MACROH2A1: variants seen among roughly 807,000 people sequenced by gnomAD.
MACROH2A1 encodes core histone macro-H2A.1.
MACROH2A1 carries 2 observed loss-of-function variants against 31.6 expected under a neutral mutation model. The observed-to-expected ratio is 0.06, with a 90% CI of 0.03 to 0.20. The LOEUF is 0.20. MACROH2A1 is among the 10% of genes least tolerant of loss of function. MACROH2A1 has a pLI of 1.00. For missense variants in MACROH2A1, 230 were observed against 474.0 expected (o/e 0.49, Z 4.78); for synonymous variants, 169 against 189.6 (o/e 0.89, Z 0.89).
At chr5:135,385,846 T>C (rs183535444) in intron 2 of MACROH2A1, among the ~76,000 whole-genome samples, 2 of 152,254 alleles carry the variant, frequency 1.3e-5, no homozygotes, top group East Asian at 1.9e-4. Context: ...ACTATCTAGG[T>C]TGGCTGGCTG....
At chr5:135,349,116 A>G (rs1761207518) in intron 6 of MACROH2A1, among the ~76,000 whole-genome samples, 1 of 152,154 alleles carries the variant, frequency 6.6e-6, no homozygotes, top group Non-Finnish European at 1.5e-5. Context: ...GGCCTTCCTC[A>G]GGCTGCAGCA....
rs184081539 is a variant in MACROH2A1 at position 135,365,170 on chromosome 5, T to C, written c.477+4236A>G. Among the ~76,000 whole-genome samples, 20 of 152,358 alleles carry C rather than the reference T, an allele frequency of 1.3e-4. 2 individuals are homozygous for C. The highest frequency in any genetic ancestry group is 4.8e-4 in the African/African-American group (20 of 41,584). ...AGTTTCCTTTGAATTTTAGGTATTT[T>C]ATTTTATGCATTTGGAATCTTTATC... On this transcript the variant is annotated intron_variant, in intron 4 of 8. Coordinates refer to ENST00000511689, the MANE Select transcript of MACROH2A1 (RefSeq NM_138610.3).
At chr5:135,336,490 C>T (rs1406245460) in intron 8 of MACROH2A1, among the ~76,000 whole-genome samples, 3 of 151,636 alleles carry the variant, frequency 2.0e-5, no homozygotes, top group African/African-American at 4.9e-5. Flanking sequence ...ACCCAGGGTT[C>T]CTTCACACAC....
intron 6 of MACROH2A1, among the ~76,000 whole-genome samples, chr5:135,351,775 T>C (rs1265051632): frequency 1.3e-5 from 2 of 151,492 alleles, no homozygotes; most frequent in African/African-American, 4.8e-5. Flanking sequence ...CTTGCCCAGG[T>C]TGGTCTCCAA....
intron 8 of MACROH2A1, among the ~76,000 whole-genome samples, chr5:135,338,531 T>C (rs1031422271): frequency 2.0e-5 from 3 of 152,210 alleles, no homozygotes; most frequent in Non-Finnish European, 4.4e-5. Context: ...TCGTTGCAGT[T>C]ACACGGTGCT....
At chr5:135,358,296 C>T (rs1762419622) in intron 5 of MACROH2A1, 1 of 985,116 alleles carries the variant, frequency 1.0e-6, no homozygotes, top group South Asian at 4.7e-5. Context: ...AGTTGGAACC[C>T]TAGTTTCTAA....
At chr5:135,389,533 T>C (rs1766907709) in intron 1 of MACROH2A1, among the ~76,000 whole-genome samples, 1 of 152,224 alleles carries the variant, frequency 6.6e-6, no homozygotes, top group Non-Finnish European at 1.5e-5. Flanking sequence ...TAAAGGCAGA[T>C]ACCTAGATTC....
chr5:135,387,579 C>T (rs1280235556), intron 2 of MACROH2A1, among the ~76,000 whole-genome samples: 1 of 152,162 alleles, frequency 6.6e-6, no homozygotes, highest in Non-Finnish European at 1.5e-5. Flanking sequence ...CCTGATCAGA[C>T]CCACCTGATC....
intron 4 of MACROH2A1, chr5:135,362,420 T>G (rs1452325812): frequency 1.3e-5 from 2 of 152,274 alleles, no homozygotes. Flanking sequence ...GATTACACTA[T>G]GTATTGTTGG....
intron 2 of MACROH2A1, among the ~76,000 whole-genome samples, chr5:135,372,964 T>C (rs563993147): frequency 4.1e-4 from 62 of 152,206 alleles, no homozygotes; most frequent in Admixed American, 2.6e-4. Context: ...TGGATTACAA[T>C]CTTCTGACCA....
At chr5:135,368,571 C>G (rs904796252) in intron 4 of MACROH2A1, among the ~76,000 whole-genome samples, 2 of 152,232 alleles carry the variant, frequency 1.3e-5, no homozygotes, top group African/African-American at 4.8e-5. Context: ...AGGGCAGCCT[C>G]AAGATTCCAT....
chr5:135,371,372 G>A (rs1030383931), intron 2 of MACROH2A1, among the ~76,000 whole-genome samples: 2 of 152,196 alleles, frequency 1.3e-5, no homozygotes, highest in Non-Finnish European at 2.9e-5. Flanking sequence ...AAATATGTAA[G>A]GTGATGAAAT....
At chr5:135,346,088 C>T (rs371223386) in intron 6 of MACROH2A1, 31 bp from the exon 7 acceptor site, 5 of 1,325,842 alleles carry the variant, frequency 3.8e-6, no homozygotes, top group African/African-American at 1.4e-5. Context: ...GTCAGGTTGC[C>T]ATTCTGTGTC....
chr5:135,385,899 C>A (rs1030506200), intron 2 of MACROH2A1, among the ~76,000 whole-genome samples: 1 of 152,212 alleles, frequency 6.6e-6, no homozygotes. Flanking sequence ...GCAGAGGCCA[C>A]TCTGCCCTGA....
chr5:135,372,120 C>T (rs1448039507), intron 2 of MACROH2A1, among the ~76,000 whole-genome samples: 1 of 152,142 alleles, frequency 6.6e-6, no homozygotes, highest in Non-Finnish European at 1.5e-5. Context: ...TTCCTTTGCT[C>T]AGTAATCACC....
At chr5:135,380,482 A>G (rs1765514999) in intron 2 of MACROH2A1, among the ~76,000 whole-genome samples, 1 of 152,184 alleles carries the variant, frequency 6.6e-6, no homozygotes, top group Non-Finnish European at 1.5e-5. Context: ...GCCCAGGCCT[A>G]GTTTCATGTT....
intron 1 of MACROH2A1, among the ~76,000 whole-genome samples, chr5:135,395,420 G>C (rs1401140634): frequency 6.6e-6 from 1 of 152,224 alleles, no homozygotes; most frequent in African/African-American, 2.4e-5. Flanking sequence ...GGATAGAGGA[G>C]TCTGAGCTAT....
At chr5:135,344,063 G>A (rs1760400022) in intron 7 of MACROH2A1, 1 of 153,566 alleles carries the variant, frequency 6.5e-6, no homozygotes, top group South Asian at 2.0e-4. Context: ...AATTAGATTA[G>A]TTTTTAAGGA....
intron 5 of MACROH2A1, chr5:135,358,418 G>A (rs1418348759): frequency 4.1e-6 from 4 of 985,348 alleles, no homozygotes; most frequent in Non-Finnish European, 4.8e-6. Flanking sequence ...CTGGATATGT[G>A]ACTCTTGGAT....
Sources: allele counts gnomAD v4.1 joint callset (sites outside exome capture counted in the v4.1 genomes callset), GRCh38; gene constraint gnomAD v4.1.1; transcripts MANE v1.5; gene names NCBI Gene and HGNC (gene_info 2026-07-23, HGNC 2026-07-21).